Variants in ADD2 observed in about 807,000 individuals in gnomAD.
ADD2 encodes the protein adducin 2.
Under a neutral mutation model 83.0 loss-of-function variants are expected in ADD2, and 23 were observed. The observed-to-expected ratio is 0.28, with a 90% CI of 0.20 to 0.39. The LOEUF (loss-of-function observed/expected upper bound fraction) is 0.39. Among genes scored for constraint, ADD2 ranks in the 10% least tolerant of loss-of-function variants. ADD2 has a pLI of 1.00. For synonymous variants in ADD2, 375 were observed against 375.4 expected (o/e 1.00, Z 0.01); for missense variants, 758 against 944.9 (o/e 0.80, Z 2.59).
In ADD2 at chr2:70,676,474, GT is replaced by G. The variant is rs1670145881; in HGVS notation, c.1593+321del. The G allele has an allele frequency of 3.1e-6, 4 of 1,310,016 alleles. No individual in the cohort carries two copies. Among genetic ancestry groups the G allele is most frequent in the Non-Finnish European group, 3.9e-6 (4 of 1,027,320 alleles). 81.1% of individuals were successfully genotyped at this position (1,310,016 alleles called of 1,614,324 possible). A position where few individuals can be genotyped will look rare whatever the true frequency, so the allele number is the denominator to read the frequency against. ...GGAGTCTCCAGCCCCAAGCCTATGA[GT>G]CCCCACTTCACGGGGTAGTAAGGGA... is the stretch of plus-strand genomic sequence containing the variant. On this transcript the variant is annotated intron_variant, in intron 13 of 15. Coordinates refer to ENST00000264436, the MANE Select transcript of ADD2 (RefSeq NM_001617.4). The surrounding 1 kb of genome is among the most constrained non-coding windows in gnomAD (Gnocchi z 4.8).
chr2:70,700,082 G>C (rs1671513027), intron 4 of ADD2, among the ~76,000 whole-genome samples: 1 of 151,986 alleles, frequency 6.6e-6, no homozygotes, highest in East Asian at 1.9e-4. Context: ...GAAATGAACA[G>C]AAATCAAATG....
intron 6 of ADD2, among the ~76,000 whole-genome samples, chr2:70,692,813 C>T (rs989986246): frequency 1.3e-5 from 2 of 152,196 alleles, no homozygotes; most frequent in Non-Finnish European, 2.9e-5. Context: ...ACGTGAATCA[C>T]CTGAAGCCCA....
intron 4 of ADD2, 147 bp downstream of exon 4, chr2:70,704,174 G>T: frequency 2.0e-6 from 2 of 1,008,650 alleles, no homozygotes; most frequent in Non-Finnish European, 2.8e-6. Context: ...CTCTCTGGCT[G>T]CTGCTGAGCT....
intron 1 of ADD2, among the ~76,000 whole-genome samples, chr2:70,757,979 C>A (rs1275850646): frequency 6.6e-6 from 1 of 152,178 alleles, no homozygotes; most frequent in East Asian, 1.9e-4. Flanking sequence ...CAAGCACAAA[C>A]ATTTAACGAC....
Position 70,765,139 on chromosome 2 carries a change from G to C in ADD2, c.-154+2747C>G, listed in dbSNP as rs116537765. ...AGGCAGAGGCAGGTGGATCGCTTGA[G>C]GCCAAGGATTTGAGACCAGCCTGGC... On this transcript the variant is annotated intron_variant, in intron 1 of 15. Coordinates refer to ENST00000264436, the MANE Select transcript of ADD2 (RefSeq NM_001617.4). Among the ~76,000 whole-genome samples, 1,172 of 152,170 alleles carry C rather than the reference G, an allele frequency of 7.7e-3. 40 individuals carry two copies. Among genetic ancestry groups the C allele is most frequent in the African/African-American group, 0.027 (1,106 of 41,416 alleles).
chr2:70,720,417 C>A lies in ADD2; in HGVS notation c.-153-7233G>T, dbSNP rs369191746. Among the ~76,000 whole-genome samples, 6 of 152,186 alleles carry A rather than the reference C, an allele frequency of 3.9e-5. No individual in the cohort carries two copies. The South Asian group carries it at 6.2e-4, about 16-fold the overall frequency. On this transcript the variant is annotated intron_variant, in intron 1 of 15. Transcript: ENST00000264436. ...CAAAAGCTGAGCAGTGAGGCTCAGG[C>A]CATGATAGGGTGTTAAGAACAGGAT...
chr2:70,679,030 A>G, intron 10 of ADD2, 69 bp from the exon 11 acceptor site: 11 of 1,500,280 alleles, frequency 7.3e-6, no homozygotes, highest in Non-Finnish European at 9.8e-6. Context: ...ATACATGCAC[A>G]CACACCTTTC....
chr2:70,729,274 C>T (rs1553378884), intron 1 of ADD2, among the ~76,000 whole-genome samples: 1 of 152,190 alleles, frequency 6.6e-6, no homozygotes, highest in African/African-American at 2.4e-5. Flanking sequence ...GCAAGGTGAC[C>T]TTGACCCCTG....
chr2:70,682,863 A>T (rs1217799581), intron 10 of ADD2, among the ~76,000 whole-genome samples: 1 of 152,218 alleles, frequency 6.6e-6, no homozygotes, highest in Non-Finnish European at 1.5e-5. Context: ...GGATATTGTT[A>T]CAAAGGTGCT....
In ADD2 at chr2:70,754,131, C is replaced by G. The variant is rs140964955; in HGVS notation, c.-154+13755G>C. 5.5e-3 allele frequency among the ~76,000 whole-genome samples: 837 copies of G among 152,244 alleles called. 2 individuals carry two copies. Among genetic ancestry groups the G allele is most frequent in the Non-Finnish European group, 8.8e-3 (595 of 67,986 alleles). On this transcript the variant is annotated intron_variant, in intron 1 of 15. Coordinates refer to ENST00000264436, the MANE Select transcript of ADD2 (RefSeq NM_001617.4). ...GAGTTCCTACAATTCACAAGAACTGCTAGGAGATCCCTCCTGAGACAAGTG... is the reference window on the plus strand; with the variant it reads ...GAGTTCCTACAATTCACAAGAACTGGTAGGAGATCCCTCCTGAGACAAGTG...
At chr2:70,727,956 A>G (rs4852226) in intron 1 of ADD2, among the ~76,000 whole-genome samples, 102,459 of 151,904 alleles carry the variant, frequency 0.67, 36,091 homozygotes, top group East Asian at 0.9. Flanking sequence ...GCCAGGGAAG[A>G]GAGACAGGAT....
At chr2:70,684,935 T>C (rs781801292) in intron 9 of ADD2, among the ~76,000 whole-genome samples, 2 of 152,182 alleles carry the variant, frequency 1.3e-5, no homozygotes, top group Non-Finnish European at 2.9e-5. Flanking sequence ...TTTTTTAAAT[T>C]CTGTGCTTAT....
Position 70,661,186 on chromosome 2 carries a change from C to T in ADD2, c.*2239G>A, listed in dbSNP as rs1675526068. The T allele has an allele frequency of 6.6e-6, 1 of 152,206 alleles. No homozygotes were observed. Among genetic ancestry groups the T allele is most frequent in the Non-Finnish European group, 1.5e-5 (1 of 68,044 alleles). 9.4% of individuals were successfully genotyped at this position (152,206 alleles called of 1,614,324 possible). A position where few individuals can be genotyped will look rare whatever the true frequency, so the allele number is the denominator to read the frequency against. On this transcript the variant is annotated 3_prime_UTR_variant, in exon 16 of 16. Coordinates refer to ENST00000264436, the MANE Select transcript of ADD2 (RefSeq NM_001617.4). The stretch of plus-strand genomic sequence containing the variant: ...CAACATCACCCCCGAAGTAGAACAA[C>T]TCGCACACAAAAGGCTGCATCAGAG...
chr2:70,672,010 T>A (rs1315721561), intron 15 of ADD2, among the ~76,000 whole-genome samples: 1 of 152,202 alleles, frequency 6.6e-6, no homozygotes, highest in East Asian at 1.9e-4. Flanking sequence ...ATAATTCTTA[T>A]CCACTTTATG....
chr2:70,679,093 T>C (rs1310127277), intron 10 of ADD2, 132 bp from the exon 11 acceptor site: 2 of 1,101,970 alleles, frequency 1.8e-6, no homozygotes, highest in Non-Finnish European at 2.6e-6. Context: ...CATTAAACAA[T>C]CTAGGCTTTC....
intron 1 of ADD2, among the ~76,000 whole-genome samples, chr2:70,733,548 A>C (rs1553379669): frequency 6.6e-6 from 1 of 152,192 alleles, no homozygotes; most frequent in Non-Finnish European, 1.5e-5. Context: ...CAGGCCACAC[A>C]AATCATTGCC....
chr2:70,683,890 A>T (rs1670590537), intron 9 of ADD2, 123 bp from the exon 10 acceptor site: 1 of 1,081,916 alleles, frequency 9.2e-7, no homozygotes, highest in Non-Finnish European at 1.3e-6. Flanking sequence ...AAACTGAGAA[A>T]GAGCCACCCA....
In ADD2 at chr2:70,663,858, C is replaced by T. The variant is rs926842754; in HGVS notation, c.1871-123G>A. ...CAATCCAGAGCGAGGGGAGGGCCAG[C>T]CTGATGTTGAGGGATGGCTACCAGA... On this transcript the variant is annotated intron_variant, in intron 15 of 15. Transcript: ENST00000264436. 2.8e-6 allele frequency: 3 copies of T among 1,073,520 alleles called. No homozygotes were observed. In the East Asian group the frequency reaches 7.8e-5, roughly 28 times the overall value. 66.5% of individuals were successfully genotyped at this position (1,073,520 alleles called of 1,614,324 possible).
intron 1 of ADD2, among the ~76,000 whole-genome samples, chr2:70,720,626 C>CA (rs1672688737): frequency 6.6e-6 from 1 of 152,144 alleles, no homozygotes; most frequent in Admixed American, 6.5e-5. Context: ...TTGTATTTCC[C>CA]ATTTCACTTA....
Sources: allele counts gnomAD v4.1 joint callset (sites outside exome capture counted in the v4.1 genomes callset), GRCh38; gene constraint gnomAD v4.1.1; non-coding constraint Gnocchi (gnomAD v3.1); transcripts MANE v1.5; gene names NCBI Gene and HGNC (gene_info 2026-07-23, HGNC 2026-07-21).